Variants in CTNNA3 observed in about 807,000 individuals in gnomAD.
The protein encoded by CTNNA3 is catenin alpha-3.
A neutral mutation model predicts 95.7 loss-of-function variants in CTNNA3; 76 were observed. The observed-to-expected ratio is 0.79, with a 90% CI of 0.66 to 0.96. CTNNA3 has a LOEUF of 0.96. CTNNA3 is among the 40% of genes least tolerant of loss of function. The pLI is 0.00. For missense variants in CTNNA3, 1,191 were observed against 1,089.8 expected, an observed-to-expected ratio of 1.09 and a Z score of -1.31; for synonymous variants, 431 against 374.4, an observed-to-expected ratio of 1.15 and a Z score of -1.74.
intron 10 of CTNNA3, among the ~76,000 whole-genome samples, chr10:66,528,147 C>T (rs1015141241): frequency 2.6e-5 from 4 of 152,100 alleles, no homozygotes; most frequent in Non-Finnish European, 5.9e-5. Flanking sequence ...TCTCTTTCCT[C>T]ATAGAGGCCT....
At chr10:66,432,216 T>C (rs1589241343) in intron 11 of CTNNA3, among the ~76,000 whole-genome samples, 1 of 152,274 alleles carries the variant, frequency 6.6e-6, no homozygotes, top group African/African-American at 2.4e-5. Context: ...TAAAAGTGAT[T>C]GTTACAAAAC....
intron 10 of CTNNA3, among the ~76,000 whole-genome samples, chr10:66,610,739 G>A (rs7100269): frequency 0.66 from 99,650 of 151,924 alleles, 33,489 homozygotes; most frequent in Middle Eastern, 0.81. Flanking sequence ...AAAACTAAAA[G>A]TAGAAGTACC....
intron 5 of CTNNA3, among the ~76,000 whole-genome samples, chr10:67,368,928 T>C (rs1843313850): frequency 6.6e-6 from 1 of 152,146 alleles, no homozygotes; most frequent in Non-Finnish European, 1.5e-5. Flanking sequence ...GAGAGATTGG[T>C]ACATTTACTA....
intron 12 of CTNNA3, among the ~76,000 whole-genome samples, chr10:66,359,718 T>C (rs779898063): frequency 2.7e-4 from 41 of 152,290 alleles, no homozygotes; most frequent in Non-Finnish European, 5.3e-4. Flanking sequence ...TTATTTTGTC[T>C]TTATTCATTA....
chr10:67,121,222 C>T lies in CTNNA3; in HGVS notation c.1047+59095G>A, dbSNP rs543279584. The stretch of plus-strand genomic sequence containing the variant: ...GTATTGCAGATTATTTTTGACCAAT[C>T]GATGGATGAAATTTTGGCTATTCTT... On this transcript the variant is annotated intron_variant, in intron 7 of 17. Coordinates refer to ENST00000433211, the MANE Select transcript of CTNNA3 (RefSeq NM_013266.4). 5.9e-5 allele frequency among the ~76,000 whole-genome samples: 9 copies of T among 152,156 alleles called. No homozygotes were observed. The South Asian group carries it at 1.9e-3, about 32-fold the overall frequency.
intron 12 of CTNNA3, among the ~76,000 whole-genome samples, chr10:66,290,408 T>C (rs1192955085): frequency 1.3e-5 from 2 of 152,088 alleles, no homozygotes; most frequent in African/African-American, 4.8e-5. Context: ...TATTACCTAC[T>C]AAAAGGAACC....
chr10:67,144,219 T>C (rs539153676), intron 7 of CTNNA3, among the ~76,000 whole-genome samples: 26 of 152,346 alleles, frequency 1.7e-4, no homozygotes, highest in African/African-American at 6.3e-4. Context: ...CAACATGCAG[T>C]AAACAGACAC....
At chr10:66,826,244 A>G (rs145249234) in intron 7 of CTNNA3, among the ~76,000 whole-genome samples, 204 of 152,240 alleles carry the variant, frequency 1.3e-3, no homozygotes, top group African/African-American at 4.4e-3. Flanking sequence ...AACCTGCTAA[A>G]CATGTCTATG....
chr10:67,282,381 A>C (rs1193411896), intron 5 of CTNNA3, among the ~76,000 whole-genome samples: 1 of 152,166 alleles, frequency 6.6e-6, no homozygotes, highest in East Asian at 1.9e-4. Context: ...ATGGGAACAC[A>C]AATTTGAGTA....
chr10:67,481,255 ATAG>A (rs752231842), intron 5 of CTNNA3, among the ~76,000 whole-genome samples: 3 of 152,224 alleles, frequency 2.0e-5, no homozygotes, highest in Non-Finnish European at 2.9e-5. Flanking sequence ...CATCTTCAGC[ATAG>A]TACTGGAAGT....
intron 7 of CTNNA3, among the ~76,000 whole-genome samples, chr10:67,068,310 C>T (rs1856218254): frequency 6.6e-6 from 1 of 152,000 alleles, no homozygotes; most frequent in African/African-American, 2.4e-5. Flanking sequence ...TAGATGGTGA[C>T]ACTATTTTCA....
At chr10:67,095,564 GCA>G (rs371792538) in intron 7 of CTNNA3, among the ~76,000 whole-genome samples, 3 of 151,272 alleles carry the variant, frequency 2.0e-5, no homozygotes, top group Admixed American at 6.6e-5. Context: ...AATTGTGTGT[GCA>G]CACACACACA....
At chr10:67,510,314 G>C (rs1297414186) in intron 5 of CTNNA3, among the ~76,000 whole-genome samples, 1 of 152,080 alleles carries the variant, frequency 6.6e-6, no homozygotes, top group Non-Finnish European at 1.5e-5. Flanking sequence ...TGTTTTTATG[G>C]TTTTAGGTCT....
chr10:66,176,561 C>T (rs1162022436), intron 13 of CTNNA3, among the ~76,000 whole-genome samples: 3 of 152,078 alleles, frequency 2.0e-5, no homozygotes, highest in Middle Eastern at 6.8e-3. Context: ...ATATTTGTGT[C>T]CCCCTAAAAT....
chr10:66,548,307 A>AT (rs1167950874), intron 10 of CTNNA3, among the ~76,000 whole-genome samples: 2 of 152,240 alleles, frequency 1.3e-5, no homozygotes, highest in East Asian at 3.9e-4. Flanking sequence ...ATTGCAATTG[A>AT]TTTTTTAAAA....
intron 5 of CTNNA3, among the ~76,000 whole-genome samples, chr10:67,479,903 G>A (rs186402633): frequency 6.6e-6 from 1 of 152,192 alleles, no homozygotes; most frequent in African/African-American, 2.4e-5. Context: ...TGACAAAGAT[G>A]ACATTACTAC....
chr10:66,619,359 C>T (rs930111204), intron 10 of CTNNA3, among the ~76,000 whole-genome samples: 2 of 147,422 alleles, frequency 1.4e-5, no homozygotes, highest in African/African-American at 4.9e-5. Flanking sequence ...GGCACATATA[C>T]ACCATGGAAT....
chr10:66,567,672 T>A (rs1342425176), intron 10 of CTNNA3, among the ~76,000 whole-genome samples: 2 of 152,178 alleles, frequency 1.3e-5, no homozygotes, highest in African/African-American at 2.4e-5. Context: ...TTCATTTCCC[T>A]TAACAGCGAA....
At chr10:66,314,419 G>A (rs1052023686) in intron 12 of CTNNA3, among the ~76,000 whole-genome samples, 1 of 150,376 alleles carries the variant, frequency 6.6e-6, no homozygotes, top group African/African-American at 2.4e-5. Flanking sequence ...TATCATGTGT[G>A]GAAAACATCT....
Sources: allele counts gnomAD v4.1 joint callset (sites outside exome capture counted in the v4.1 genomes callset), GRCh38; gene constraint gnomAD v4.1.1; transcripts MANE v1.5; gene names NCBI Gene and HGNC (gene_info 2026-07-23, HGNC 2026-07-21).